Variants in RANBP2 observed in about 807,000 individuals in gnomAD.
RANBP2 encodes E3 SUMO-protein ligase RanBP2.
Under a neutral mutation model 303.6 loss-of-function variants are expected in RANBP2, and 57 were observed. That is an observed-to-expected ratio of 0.19 (90% CI 0.15 to 0.23). RANBP2 has a LOEUF of 0.23. RANBP2 is among the 10% of genes least tolerant of loss of function. RANBP2 has a pLI of 1.00. For synonymous variants in RANBP2, 1,167 were observed against 1,301.5 expected (o/e 0.90, Z 2.23); for missense variants, 3,138 against 3,780.8 (o/e 0.83, Z 4.46).
the RANBP2 span, among the ~76,000 whole-genome samples, chr2:109,769,701 CA>C: frequency 1.2e-5 from 1 of 80,970 alleles, no homozygotes; most frequent in South Asian, 4.4e-4. Context: ...GTTCTTGCAA[CA>C]GTGTTTAGCA....
chr2:108,871,367 TATTAAAAAAAAAA>T, the RANBP2 span, among the ~76,000 whole-genome samples: 1 of 43,850 alleles, frequency 2.3e-5, no homozygotes, highest in Non-Finnish European at 4.0e-5. Context: ...ACCCCAACTC[TATTAAAAAAAAAA>T]AAAAAAAAAA....
the RANBP2 span, among the ~76,000 whole-genome samples, chr2:109,495,477 CTTTTTTTTT>C: frequency 6.4e-5 from 6 of 94,282 alleles, no homozygotes; most frequent in African/African-American, 1.8e-4. Context: ...TCTTTCATTC[CTTTTTTTTT>C]TTTTTTTTTT....
chr2:109,309,015 A>G, the RANBP2 span, among the ~76,000 whole-genome samples: 6 of 81,964 alleles, frequency 7.3e-5, no homozygotes, highest in Non-Finnish European at 1.2e-4. Context: ...TACCTTGGGC[A>G]GTATGGCCAT....
At chr2:109,129,941 G>C in the RANBP2 span, 1 of 1,472,712 alleles carries the variant, frequency 6.8e-7, no homozygotes, top group Non-Finnish European at 8.9e-7. Flanking sequence ...CCCGGCGGCA[G>C]CCCGCCCGCG....
chr2:109,475,562 G>GCTGACACCTGCCCTGTAGC, the RANBP2 span, among the ~76,000 whole-genome samples: 16 of 152,296 alleles, frequency 1.1e-4, no homozygotes, highest in East Asian at 3.1e-3. Flanking sequence ...TGCCACAGAG[G>GCTGACACCTGCCCTGTAGC]CTGACACCTG....
chr2:109,474,184 T>C, the RANBP2 span, among the ~76,000 whole-genome samples: 1 of 152,070 alleles, frequency 6.6e-6, no homozygotes, highest in African/African-American at 2.4e-5. Flanking sequence ...CACACACCTG[T>C]GTGTGGGCAG....
the RANBP2 span, among the ~76,000 whole-genome samples, chr2:109,270,578 G>A: frequency 6.6e-6 from 1 of 152,170 alleles, no homozygotes; most frequent in Non-Finnish European, 1.5e-5. Flanking sequence ...GCCGTTTCAG[G>A]TCAAAGCGGA....
the RANBP2 span, among the ~76,000 whole-genome samples, chr2:108,963,810 C>T: frequency 6.6e-6 from 1 of 152,226 alleles, no homozygotes; most frequent in African/African-American, 2.4e-5. Context: ...TAGACTCTGC[C>T]TTCTTGTGGG....
the RANBP2 span, among the ~76,000 whole-genome samples, chr2:109,341,604 T>C: frequency 3.3e-5 from 5 of 152,220 alleles, no homozygotes; most frequent in African/African-American, 1.2e-4. Context: ...AGATCAAGTT[T>C]CCTTTTTCTT....
chr2:109,492,267 G>C, the RANBP2 span, among the ~76,000 whole-genome samples: 1 of 152,146 alleles, frequency 6.6e-6, no homozygotes, highest in East Asian at 1.9e-4. Flanking sequence ...ACAGCTCTAA[G>C]ACTACACAAA....
the RANBP2 span, among the ~76,000 whole-genome samples, chr2:108,996,591 G>A: frequency 6.6e-6 from 1 of 152,188 alleles, no homozygotes; most frequent in Non-Finnish European, 1.5e-5. Flanking sequence ...GAGAGTATGT[G>A]GAAACTTCTA....
At chr2:108,932,136 C>A in the RANBP2 span, among the ~76,000 whole-genome samples, 13 of 152,216 alleles carry the variant, frequency 8.5e-5, no homozygotes, top group African/African-American at 2.9e-4. Context: ...TGCACAGGAA[C>A]CTTCCCTCCC....
chr2:108,839,995 G>A, the RANBP2 span, among the ~76,000 whole-genome samples: 1 of 151,934 alleles, frequency 6.6e-6, no homozygotes, highest in East Asian at 1.9e-4. Context: ...AATATTAGCT[G>A]TAGTATTTTC....
chr2:109,185,995 A>G, the RANBP2 span, among the ~76,000 whole-genome samples: 1 of 152,186 alleles, frequency 6.6e-6, no homozygotes, highest in Non-Finnish European at 1.5e-5. Context: ...AGCACATTTC[A>G]TACCATTCTC....
At chr2:109,039,900 A>C in the RANBP2 span, among the ~76,000 whole-genome samples, 5 of 152,108 alleles carry the variant, frequency 3.3e-5, no homozygotes, top group African/African-American at 1.2e-4. Flanking sequence ...ACATTTTACA[A>C]ATGTATTCCC....
At chr2:109,474,169 A>G in the RANBP2 span, among the ~76,000 whole-genome samples, 1 of 152,156 alleles carries the variant, frequency 6.6e-6, no homozygotes, top group African/African-American at 2.4e-5. Flanking sequence ...GCACCTGCGT[A>G]AGAGCACACA....
At chr2:109,640,903 T>G in the RANBP2 span, among the ~76,000 whole-genome samples, 2 of 152,154 alleles carry the variant, frequency 1.3e-5, no homozygotes, top group Non-Finnish European at 2.9e-5. Flanking sequence ...AAATCGACTC[T>G]TAAAACCTCC....
At chr2:109,471,864 A>G in the RANBP2 span, among the ~76,000 whole-genome samples, 1 of 152,208 alleles carries the variant, frequency 6.6e-6, no homozygotes, top group Non-Finnish European at 1.5e-5. Context: ...TGCTGAGACT[A>G]TGCAGACACA....
chr2:109,209,111 T>A, the RANBP2 span, among the ~76,000 whole-genome samples: 1 of 152,206 alleles, frequency 6.6e-6, no homozygotes, highest in African/African-American at 2.4e-5. Flanking sequence ...GTTGCCCAAC[T>A]TTTTCTACTG....
Sources: gnomAD v4.1 joint callset for allele counts (sites outside exome capture counted in the v4.1 genomes callset) on GRCh38, gnomAD v4.1.1 for gene constraint, MANE v1.5 for transcripts, NCBI Gene and HGNC (gene_info 2026-07-23, HGNC 2026-07-21) for gene names.